The following IGF2R variants were observed in gnomAD, a reference collection of about 807,000 sequenced individuals.
IGF2R encodes insulin like growth factor 2 receptor, also known as cation-independent mannose-6-phosphate receptor.
In IGF2R, 91 loss-of-function variants were observed where a neutral mutation model predicts 270.6. The ratio of observed to expected loss-of-function variants is 0.34; its 90% CI spans 0.28 to 0.40. The LOEUF (loss-of-function observed/expected upper bound fraction) is 0.40. IGF2R is among the 10% of genes least tolerant of loss of function. IGF2R has a pLI of 1.00. For synonymous variants in IGF2R, 1,316 were observed against 1,258.9 expected (o/e 1.05, Z -0.96); for missense variants, 2,805 against 3,188.3 (o/e 0.88, Z 2.90).
chr6:160,078,246 G>A lies in IGF2R; in HGVS notation c.5362G>A (p.Glu1788Lys). Reference sequence around the variant, plus strand: ...GACCAGCGAGTGCGACTTTGTGTTCGAATGGGAGACTCCTGTCGTCTGTCC... The same window carrying A: ...GACCAGCGAGTGCGACTTTGTGTTCAAATGGGAGACTCCTGTCGTCTGTCC... ...LRTSECDFVF[E>K]WETPVVCPDE... Residue 1788 changes from glutamate to lysine, a missense_variant, in exon 37 of 48, where the codon GAA (glutamate) becomes AAA (lysine). Glu to Lys is a moderately conservative substitution (Grantham distance 56). Coordinates refer to ENST00000356956, the MANE Select transcript of IGF2R (RefSeq NM_000876.4). 5 of 1,614,196 alleles carry A rather than the reference G, an allele frequency of 3.1e-6. No homozygotes were observed. The highest frequency in any genetic ancestry group is 3.4e-6 in the Non-Finnish European group (4 of 1,180,022).
intron 1 of IGF2R, among the ~76,000 whole-genome samples, chr6:159,983,332 T>G (rs188944255): frequency 6.6e-6 from 1 of 152,342 alleles, no homozygotes; most frequent in Non-Finnish European, 1.5e-5. Context: ...TGCTTCCTTC[T>G]AATTGGTAAT....
At chr6:160,051,598 T>A (rs1010366650) in intron 19 of IGF2R, among the ~76,000 whole-genome samples, 3 of 152,080 alleles carry the variant, frequency 2.0e-5, no homozygotes, top group African/African-American at 7.2e-5. Context: ...ATCTGAGGCT[T>A]GGTATAGCTC....
Position 160,032,959 on chromosome 6 carries a change from G to C in IGF2R, c.1063G>C (p.Asp355His). 2 of 1,598,400 alleles carry C rather than the reference G, an allele frequency of 1.3e-6. No individual in the cohort carries two copies. The highest frequency in any genetic ancestry group is 2.7e-5 in the African/African-American group (2 of 74,696). The change falls in exon 9 of 48, where the codon GAT becomes CAT. Residue 355 changes from aspartate (D) to histidine (H), a missense_variant. Transcript: ENST00000356956. ...AQSGGSSYISDGKEYLFYLNV... is the reference protein window; with the variant it reads ...AQSGGSSYISHGKEYLFYLNV... ...GTTTTTAGGTTCATCCTATATTTCA[G>C]ATGGAAAAGAATATTTGTTTTATTT...
intron 1 of IGF2R, among the ~76,000 whole-genome samples, chr6:159,983,036 A>G (rs749189357): frequency 3.3e-5 from 5 of 152,228 alleles, no homozygotes; most frequent in Non-Finnish European, 5.9e-5. Flanking sequence ...AAGATATTCT[A>G]TATCTGTATC....
chr6:160,050,347 C>A lies in IGF2R; in HGVS notation c.2515-126C>A. On this transcript the variant is annotated intron_variant, in intron 18 of 47. Transcript: ENST00000356956. This position sits in a 1 kb window ranked among gnomAD's most constrained non-coding sequence, Gnocchi z 4.0. The stretch of plus-strand genomic sequence containing the variant: ...TCCATATGTAATAAGGGGATTTCCC[C>A]AGGAGCAGTGGTTCTGTATTCAATA... 1 of 957,600 alleles carries A rather than the reference C, an allele frequency of 1.0e-6. No homozygotes were observed. The highest frequency in any genetic ancestry group is 1.6e-6 in the Non-Finnish European group (1 of 634,576). The allele number at this position is 957,600 out of a possible 1,614,324, so 59.3% of individuals were successfully genotyped here. A position where few individuals can be genotyped will look rare whatever the true frequency, so the allele number is the denominator to read the frequency against.
intron 22 of IGF2R, 28 bp from the exon 23 acceptor site, chr6:160,060,519 T>G (rs1458128304): frequency 6.2e-7 from 1 of 1,612,756 alleles, no homozygotes; most frequent in Admixed American, 1.7e-5. Context: ...GTTCTGTCTC[T>G]TAAAATCTGG....
At chr6:160,043,120 G>A in intron 11 of IGF2R, 28 bp from the exon 12 acceptor site, 1 of 1,611,604 alleles carries the variant, frequency 6.2e-7, no homozygotes, top group Non-Finnish European at 8.5e-7. Flanking sequence ...ATTGCTTTTG[G>A]CTAAAATACA....
chr6:160,104,426 C>T (rs886476893), intron 47 of IGF2R, among the ~76,000 whole-genome samples: 4 of 151,786 alleles, frequency 2.6e-5, no homozygotes, highest in Admixed American at 6.6e-5. Context: ...CTGTGAGACT[C>T]CTGCCAAATG....
intron 4 of IGF2R, among the ~76,000 whole-genome samples, chr6:160,020,861 G>GAAGAAAATAAAATTCCA (rs1777416265): frequency 6.6e-6 from 1 of 152,160 alleles, no homozygotes; most frequent in Admixed American, 6.5e-5. Context: ...AGAAAACCCA[G>GAAGAAAATAAAATTCCA]GAAAAGCTCT....
chr6:160,095,722 G>A (rs1562377637), intron 44 of IGF2R: 1 of 152,392 alleles, frequency 6.6e-6, no homozygotes. Context: ...TTAGACTTCA[G>A]TGAATCAGGC....
intron 2 of IGF2R, among the ~76,000 whole-genome samples, chr6:159,996,644 C>T (rs1481978136): frequency 1.3e-5 from 2 of 152,152 alleles, no homozygotes; most frequent in East Asian, 3.9e-4. Context: ...CACACCCCGT[C>T]CTGGCGCTGG....
chr6:160,088,637 C>G (rs1009378198), intron 42 of IGF2R, among the ~76,000 whole-genome samples: 1 of 152,130 alleles, frequency 6.6e-6, no homozygotes, highest in Non-Finnish European at 1.5e-5. Context: ...AGAACTGATT[C>G]CTTCCAGACG....
chr6:160,084,173 C>A lies in IGF2R; in HGVS notation c.6057C>A (p.His2019Gln). 2 of 1,609,726 alleles carry A rather than the reference C, an allele frequency of 1.2e-6. No individual in the cohort carries two copies. The highest frequency in any genetic ancestry group is 1.7e-6 in the Non-Finnish European group (2 of 1,175,982). ...SSLTGSWSLV[H>Q]NGVSYYINLC... The stretch of plus-strand genomic sequence containing the variant: ...TCACCGGGTCCTGGTCCCTCGTCCA[C>A]AACGGAGTCTCGTGAGTGCCTTCCC... Residue 2019 changes from histidine (H) to glutamine (Q), a missense_variant, in exon 40 of 48, where the codon CAC (histidine) becomes CAA (glutamine). Coordinates refer to ENST00000356956, the MANE Select transcript of IGF2R (RefSeq NM_000876.4). The surrounding 1 kb of genome is among the most constrained non-coding windows in gnomAD (Gnocchi z 4.6).
At chr6:160,081,455 C>A (rs1267078774) in intron 39 of IGF2R, among the ~76,000 whole-genome samples, 1 of 152,144 alleles carries the variant, frequency 6.6e-6, no homozygotes, top group Non-Finnish European at 1.5e-5. Context: ...AAGGTCAGGG[C>A]AGGATCACAA....
In IGF2R at chr6:160,053,144, G is replaced by A. The variant is rs184151983; in HGVS notation, c.2694+2492G>A. 2.4e-3 allele frequency among the ~76,000 whole-genome samples: 363 copies of A among 152,184 alleles called. 1 individual carries two copies. Among genetic ancestry groups the A allele is most frequent in the Middle Eastern group, 6.8e-3 (2 of 294 alleles). ...AGAAGCATGGATGAAGCTGGAAACC[G>A]TCATTCTCAGCAAACTATCATAAGG... On this transcript the variant is annotated intron_variant, in intron 19 of 47. Coordinates refer to ENST00000356956, the MANE Select transcript of IGF2R (RefSeq NM_000876.4).
intron 2 of IGF2R, among the ~76,000 whole-genome samples, chr6:159,991,853 G>A (rs945473072): frequency 6.6e-6 from 1 of 152,174 alleles, no homozygotes; most frequent in Non-Finnish European, 1.5e-5. Context: ...TCTTTCCTAG[G>A]GTTCGTTTCA....
At chr6:160,042,856 G>A (rs1205830577) in intron 11 of IGF2R, among the ~76,000 whole-genome samples, 1 of 152,200 alleles carries the variant, frequency 6.6e-6, no homozygotes, top group Non-Finnish European at 1.5e-5. Flanking sequence ...ATTTCATACT[G>A]TGGGGCTTGG....
intron 2 of IGF2R, among the ~76,000 whole-genome samples, chr6:160,000,581 T>G (rs1784112102): frequency 1.3e-5 from 2 of 152,118 alleles, no homozygotes; most frequent in South Asian, 4.2e-4. Context: ...AGATCTCATT[T>G]TTCTTTGAGA....
chr6:160,035,853 C>T (rs983707185), intron 10 of IGF2R, among the ~76,000 whole-genome samples: 12 of 152,070 alleles, frequency 7.9e-5, no homozygotes, highest in Non-Finnish European at 1.3e-4. Flanking sequence ...AGGGAGGCAC[C>T]GAGGTCAGCT....
Sources: allele counts gnomAD v4.1 joint callset (sites outside exome capture counted in the v4.1 genomes callset), GRCh38; gene constraint gnomAD v4.1.1; non-coding constraint Gnocchi (gnomAD v3.1); transcripts MANE v1.5; gene names NCBI Gene and HGNC (gene_info 2026-07-23, HGNC 2026-07-21).